The following SOCS5 variants were observed in gnomAD, a reference collection of about 807,000 sequenced individuals.
SOCS5 encodes the protein CIS-6.
In SOCS5, 32 loss-of-function variants were observed where a neutral mutation model predicts 42.8. The observed-to-expected ratio is 0.75, with a 90% CI of 0.56 to 1.01. SOCS5 has a LOEUF of 1.01. SOCS5 is among the 50% of genes least tolerant of loss of function. SOCS5 has a pLI of 0.00. For synonymous variants in SOCS5, 283 were observed against 229.6 expected (o/e 1.23, Z -2.10); for missense variants, 627 against 653.0 (o/e 0.96, Z 0.43).
chr2:46,739,205 GA>G (rs1440764574), intron 1 of SOCS5, among the ~76,000 whole-genome samples: 3 of 151,968 alleles, frequency 2.0e-5, no homozygotes, highest in South Asian at 4.2e-4. Flanking sequence ...GAGTCAAAGA[GA>G]AAAAAAACTT....
chr2:46,734,857 C>G (rs1215716923), intron 1 of SOCS5, among the ~76,000 whole-genome samples: 3 of 152,180 alleles, frequency 2.0e-5, no homozygotes, highest in African/African-American at 7.2e-5. Flanking sequence ...GAGAGTCTCT[C>G]TCTTCCCCAC....
chr2:46,749,877 A>G (rs1673587254), intron 1 of SOCS5, among the ~76,000 whole-genome samples: 1 of 152,202 alleles, frequency 6.6e-6, no homozygotes, highest in African/African-American at 2.4e-5. Context: ...CATTTGTGGC[A>G]TGACCCAGAA....
intron 1 of SOCS5, among the ~76,000 whole-genome samples, chr2:46,735,728 T>A (rs1006043474): frequency 1.3e-5 from 2 of 152,060 alleles, no homozygotes; most frequent in Non-Finnish European, 2.9e-5. Flanking sequence ...ATATCAGACA[T>A]AAGCAGATGG....
At chr2:46,730,946 G>A (rs138344995) in intron 1 of SOCS5, among the ~76,000 whole-genome samples, 5 of 152,302 alleles carry the variant, frequency 3.3e-5, no homozygotes, top group African/African-American at 1.2e-4. Context: ...AATAAGGTTG[G>A]TGGGGGTTTG....
upstream of SOCS5, chr2:46,699,256 T>A (rs1343074408): frequency 6.6e-6 from 1 of 151,018 alleles, no homozygotes; most frequent in Non-Finnish European, 1.5e-5. This position sits in a 1 kb window ranked among gnomAD's most constrained non-coding sequence, Gnocchi z 4.8. Context: ...GGTGGGGGCC[T>A]GGCGGGGGCA....
chr2:46,756,847 T>C (rs1173332646), intron 1 of SOCS5, among the ~76,000 whole-genome samples: 3 of 152,076 alleles, frequency 2.0e-5, no homozygotes, highest in African/African-American at 7.2e-5. Context: ...GAATAAATGA[T>C]AACAAGGCAC....
chr2:46,702,671 A>C (rs1420544278), intron 1 of SOCS5, among the ~76,000 whole-genome samples: 4 of 152,186 alleles, frequency 2.6e-5, no homozygotes, highest in Admixed American at 1.3e-4. Context: ...GACTTCATTC[A>C]TTAAGCTGTG....
intron 1 of SOCS5, among the ~76,000 whole-genome samples, chr2:46,707,669 T>C (rs1240106608): frequency 6.6e-6 from 1 of 152,204 alleles, no homozygotes; most frequent in Non-Finnish European, 1.5e-5. Flanking sequence ...ACAAACACTT[T>C]TGTGTTTTAG....
chr2:46,712,832 C>T (rs555751226), intron 1 of SOCS5, among the ~76,000 whole-genome samples: 2 of 151,752 alleles, frequency 1.3e-5, no homozygotes, highest in Non-Finnish European at 2.9e-5. Context: ...GTTTTGTTTC[C>T]TCTAGATTCA....
intron 1 of SOCS5, among the ~76,000 whole-genome samples, chr2:46,730,208 G>C (rs899337808): frequency 4.6e-5 from 7 of 152,112 alleles, no homozygotes; most frequent in African/African-American, 1.7e-4. Context: ...TTCACATCTG[G>C]TAACTACTAT....
chr2:46,716,453 T>A (rs1366425620), intron 1 of SOCS5, among the ~76,000 whole-genome samples: 4 of 140,274 alleles, frequency 2.9e-5, no homozygotes, highest in African/African-American at 7.9e-5. Context: ...TATTTATGGA[T>A]CAACTTTTAA....
chr2:46,736,909 G>A (rs899513375), intron 1 of SOCS5, among the ~76,000 whole-genome samples: 3 of 151,564 alleles, frequency 2.0e-5, no homozygotes, highest in African/African-American at 7.3e-5. Context: ...AATTCGAAAT[G>A]TTCCAGTGAA....
chr2:46,748,921 G>A (rs1344946751), intron 1 of SOCS5, among the ~76,000 whole-genome samples: 2 of 152,180 alleles, frequency 1.3e-5, no homozygotes, highest in Non-Finnish European at 2.9e-5. Context: ...TCACTGTTAA[G>A]TAGTTCCCCT....
chr2:46,733,576 A>AG (rs1673176144), intron 1 of SOCS5, among the ~76,000 whole-genome samples: 2 of 150,218 alleles, frequency 1.3e-5, no homozygotes, highest in South Asian at 4.2e-4. Context: ...CTCAAAAAAA[A>AG]AAAAGAAAAA....
At chr2:46,756,512 C>G (rs746617489) in intron 1 of SOCS5, among the ~76,000 whole-genome samples, 1 of 152,304 alleles carries the variant, frequency 6.6e-6, no homozygotes. Flanking sequence ...GGTTTGCTGG[C>G]CCTTGCTCTA....
intron 1 of SOCS5, among the ~76,000 whole-genome samples, chr2:46,707,898 C>G (rs1042775595): frequency 3.3e-5 from 5 of 152,176 alleles, no homozygotes; most frequent in Admixed American, 1.3e-4. Context: ...CTTAAATGTG[C>G]TCAGAGCACT....
chr2:46,753,294 C>T (rs773174082), intron 1 of SOCS5, among the ~76,000 whole-genome samples: 22 of 152,176 alleles, frequency 1.4e-4, no homozygotes, highest in Admixed American at 8.5e-4. Flanking sequence ...AACTAGGTCA[C>T]GTTTCCCTGT....
intron 1 of SOCS5, among the ~76,000 whole-genome samples, chr2:46,717,041 T>C (rs6544917): frequency 6.6e-6 from 1 of 151,930 alleles, no homozygotes; most frequent in East Asian, 1.9e-4. Flanking sequence ...TTCTTGGACG[T>C]TTTTCTTTGT....
In SOCS5 at chr2:46,761,479, C is replaced by T. The variant is rs1673867706; in HGVS notation, c.*1338C>T. On this transcript the variant is annotated 3_prime_UTR_variant, in exon 2 of 2. Transcript: ENST00000394861. ...TTATTTTACATCCCTATGGCTATTG[C>T]CAAGGCTACAAAAAAGGAAAGCTAT... 6.0e-6 allele frequency: 1 copy of T among 167,014 alleles called. No homozygotes were observed. Among genetic ancestry groups the T allele is most frequent in the Non-Finnish European group, 1.5e-5 (1 of 68,100 alleles). The allele number at this position is 167,014 out of a possible 1,614,324, so 10.3% of individuals were successfully genotyped here.
Sources: allele counts gnomAD v4.1 joint callset (sites outside exome capture counted in the v4.1 genomes callset), GRCh38; gene constraint gnomAD v4.1.1; non-coding constraint Gnocchi (gnomAD v3.1); transcripts MANE v1.5; gene names NCBI Gene and HGNC (gene_info 2026-07-23, HGNC 2026-07-21).